Variants in NEBL observed in about 807,000 individuals in gnomAD.
The protein encoded by NEBL is nebulette, also known as LIM and SH3 protein 2.
NEBL carries 122 observed loss-of-function variants against 140.2 expected under a neutral mutation model. That is an observed-to-expected ratio of 0.87 (90% CI 0.75 to 1.01). The LOEUF is 1.01. Ranked by LOEUF, NEBL falls within the 50% of genes least tolerant of loss-of-function variation. The pLI is 0.00. For missense variants in NEBL, 1,365 were observed against 1,231.3 expected, an observed-to-expected ratio of 1.11 and a Z score of -1.62; for synonymous variants, 436 against 398.9, an observed-to-expected ratio of 1.09 and a Z score of -1.11.
intron 3 of NEBL, among the ~76,000 whole-genome samples, chr10:20,990,440 GCT>G (rs995409582): frequency 2.6e-5 from 4 of 151,374 alleles, no homozygotes; most frequent in African/African-American, 4.8e-5. Context: ...CACAGCACTA[GCT>G]CTCTCTCTCT....
intron 26 of NEBL, among the ~76,000 whole-genome samples, chr10:20,805,391 T>C (rs1837518666): frequency 6.6e-6 from 1 of 152,218 alleles, no homozygotes; most frequent in Non-Finnish European, 1.5e-5. Flanking sequence ...GGCTCTTTTG[T>C]GGGCACATGT....
intron 19 of NEBL, among the ~76,000 whole-genome samples, chr10:20,820,852 A>G (rs986286806): frequency 5.3e-5 from 8 of 152,126 alleles, no homozygotes; most frequent in African/African-American, 1.9e-4. Context: ...TAAAAAAGAA[A>G]GAAAGAAAAG....
At chr10:20,845,859 G>A (rs1176242515) in intron 11 of NEBL, among the ~76,000 whole-genome samples, 1 of 152,148 alleles carries the variant, frequency 6.6e-6, no homozygotes, top group Non-Finnish European at 1.5e-5. Flanking sequence ...ATGTAATGAT[G>A]CCTGAGGGTT....
chr10:21,049,021 T>C lies in NEBL; in HGVS notation c.165-28820A>G, dbSNP rs552945116. 1.6e-4 allele frequency among the ~76,000 whole-genome samples: 24 copies of C among 151,966 alleles called. No homozygotes were observed. The South Asian group carries it at 4.2e-3, about 26-fold the overall frequency. ...AGAGACTCCAACTCAAATAAATAAA[T>C]AAATAAAAAGACTGTCTAGAAGAAT... On this transcript the variant is annotated intron_variant, in intron 2 of 6. Transcript: ENST00000417816.
Position 21,113,242 on chromosome 10 carries a change from G to A in NEBL, c.164+59141C>T, listed in dbSNP as rs561548010. The A allele has an allele frequency of 1.8e-5, 5 of 283,932 alleles. No individual in the cohort carries two copies. In the East Asian group the frequency reaches 3.3e-4, roughly 19 times the overall value. 17.6% of individuals were successfully genotyped at this position (283,932 alleles called of 1,614,324 possible). On this transcript the variant is annotated intron_variant, in intron 2 of 6. Coordinates refer to the NEBL transcript ENST00000417816. ...AATGCACAAAAATCATTTCCACCAT[G>A]GAAAAGACTCAAAACCATCAACACC... is the stretch of plus-strand genomic sequence containing the variant.
At chr10:21,188,682 C>G (rs918713979) in intron 3 of NEBL, among the ~76,000 whole-genome samples, 4 of 149,382 alleles carry the variant, frequency 2.7e-5, no homozygotes, top group African/African-American at 7.4e-5. Context: ...CTCACTGCAA[C>G]CTCCGCCTCC....
chr10:21,283,835 G>A (rs1390620013), intron 1 of NEBL, among the ~76,000 whole-genome samples: 2 of 151,930 alleles, frequency 1.3e-5, no homozygotes, highest in African/African-American at 4.8e-5. Context: ...CAGGGCTTAG[G>A]TAGAGCAGCA....
chr10:21,119,022 T>C (rs1838403029), intron 2 of NEBL, among the ~76,000 whole-genome samples: 1 of 152,160 alleles, frequency 6.6e-6, no homozygotes, highest in Admixed American at 6.6e-5. Flanking sequence ...GCTAATATCA[T>C]GGAAACAAAA....
chr10:21,181,431 T>C (rs899956030), intron 3 of NEBL, among the ~76,000 whole-genome samples: 4 of 151,294 alleles, frequency 2.6e-5, no homozygotes, highest in African/African-American at 9.7e-5. Context: ...TATCATATAC[T>C]GTCGGTAAGA....
In NEBL at chr10:21,173,957, G is replaced by A; in HGVS notation, c.-124C>T. 1 of 1,370,886 alleles carries A rather than the reference G, an allele frequency of 7.3e-7. No individual in the cohort carries two copies. Among genetic ancestry groups the A allele is most frequent in the Non-Finnish European group, 9.3e-7 (1 of 1,073,052 alleles). 84.9% of individuals were successfully genotyped at this position (1,370,886 alleles called of 1,614,324 possible). On this transcript the variant is annotated 5_prime_UTR_variant, in exon 1 of 7. Coordinates refer to the NEBL transcript ENST00000417816. The surrounding 1 kb of genome is among the most constrained non-coding windows in gnomAD (Gnocchi z 5.7). ...GAGGGCTGCGGGCGGCGGGCGCCGG[G>A]TAGGGAGTCGGCGCCGGGCCACGGG...
chr10:21,291,609 G>C (rs1011261429), intron 1 of NEBL, among the ~76,000 whole-genome samples: 21 of 151,500 alleles, frequency 1.4e-4, no homozygotes, highest in African/African-American at 4.8e-4. Context: ...TCATGATGAT[G>C]GCAATTATGA....
chr10:20,897,759 C>A (rs1239636011), upstream of NEBL, among the ~76,000 whole-genome samples: 1 of 152,116 alleles, frequency 6.6e-6, no homozygotes, highest in Admixed American at 6.5e-5. Flanking sequence ...TCAGACATAC[C>A]AGTACTTCTC....
chr10:21,235,260 C>A (rs1007040640), intron 3 of NEBL, among the ~76,000 whole-genome samples: 5 of 152,030 alleles, frequency 3.3e-5, no homozygotes, highest in African/African-American at 4.8e-5. Flanking sequence ...TGTGCCACTG[C>A]AGTCCAGCCT....
At chr10:20,820,631 G>C (rs953353165) in intron 19 of NEBL, among the ~76,000 whole-genome samples, 2 of 152,116 alleles carry the variant, frequency 1.3e-5, no homozygotes, top group African/African-American at 4.8e-5. Flanking sequence ...TTCGAGACCA[G>C]CCTGACCAAC....
Position 21,189,631 on chromosome 10 carries a change from A to AT in NEBL, n.349-17155dup, listed in dbSNP as rs528222745. On this transcript the variant is annotated intron_variant and non_coding_transcript_variant, in intron 3 of 8. Transcript: ENST00000675702. Reference sequence around the variant, plus strand: ...AGGCGCCCGCCACCGCGCCCAGCTAATTTTTTTGTATTTTTCAGTAGAGAC... The same window carrying AT: ...AGGCGCCCGCCACCGCGCCCAGCTAATTTTTTTTGTATTTTTCAGTAGAGAC... Among the ~76,000 whole-genome samples, 31 of 147,016 alleles carry AT rather than the reference A, an allele frequency of 2.1e-4. No individual in the cohort carries two copies. In the East Asian group the frequency reaches 4.1e-3, roughly 20 times the overall value.
chr10:21,103,469 T>C (rs1173738265), intron 2 of NEBL, among the ~76,000 whole-genome samples: 1 of 152,154 alleles, frequency 6.6e-6, no homozygotes, highest in Non-Finnish European at 1.5e-5. Flanking sequence ...CACCTTGGCC[T>C]CCCAAAGTTC....
In NEBL at chr10:20,943,292, A is replaced by G. The variant is rs956915613; in HGVS notation, c.357+18380T>C. ...TGATGAGTTCACGTCCTTTGTAGGG[A>G]CATGGATGAAGCTGGAAACCCATCA... On this transcript the variant is annotated intron_variant, in intron 4 of 6. Coordinates refer to the NEBL transcript ENST00000417816. Among the ~76,000 whole-genome samples, 6 of 152,224 alleles carry G rather than the reference A, an allele frequency of 3.9e-5. No individual in the cohort carries two copies. The East Asian group carries it at 9.6e-4, about 24-fold the overall frequency.
At chr10:21,156,627 T>C (rs1245956504) in intron 2 of NEBL, among the ~76,000 whole-genome samples, 7 of 151,952 alleles carry the variant, frequency 4.6e-5, no homozygotes, top group Non-Finnish European at 1.0e-4. Flanking sequence ...CCATTACTTA[T>C]ATATAAAAAA....
At chr10:21,266,944 T>C (rs1248284408) in intron 1 of NEBL, among the ~76,000 whole-genome samples, 1 of 151,910 alleles carries the variant, frequency 6.6e-6, no homozygotes, top group African/African-American at 2.4e-5. Flanking sequence ...GACTGGATAA[T>C]TTTTGTTTTT....
Sources: gnomAD v4.1 joint callset for allele counts (sites outside exome capture counted in the v4.1 genomes callset) on GRCh38, gnomAD v4.1.1 for gene constraint, Gnocchi (gnomAD v3.1) non-coding constraint, MANE v1.5 for transcripts, NCBI Gene and HGNC (gene_info 2026-07-23, HGNC 2026-07-21) for gene names.